Variants in SLC39A14 observed in about 807,000 individuals in gnomAD.
SLC39A14 encodes the protein solute carrier family 39 member 14.
Under a neutral mutation model 45.5 loss-of-function variants are expected in SLC39A14, and 19 were observed. The observed-to-expected ratio is 0.42, with a 90% CI of 0.29 to 0.61. The LOEUF (loss-of-function observed/expected upper bound fraction) is 0.61, where lower values mean the gene tolerates loss of function less well. Among genes scored for constraint, SLC39A14 ranks in the 20% least tolerant of loss-of-function variants. The probability of loss-of-function intolerance (pLI) is 0.22; values close to 1 mark genes in which losing one functional copy is unlikely to be tolerated. For synonymous variants in SLC39A14, 264 were observed against 251.3 expected (o/e 1.05, Z -0.48); for missense variants, 447 against 616.5 (o/e 0.73, Z 2.91).
At chr8:22,411,998 C>T (rs1388708861) in intron 3 of SLC39A14, 39 bp from the exon 4 acceptor site, 1 of 1,535,620 alleles carries the variant, frequency 6.5e-7, no homozygotes, top group African/African-American at 1.4e-5. Context: ...GCCTTCTCTC[C>T]CTGCCCTGGG....
At chr8:22,401,104 T>G (rs978634556) in intron 1 of SLC39A14, among the ~76,000 whole-genome samples, 4 of 152,202 alleles carry the variant, frequency 2.6e-5, no homozygotes, top group African/African-American at 9.7e-5. Context: ...GTGCAGAAAT[T>G]CAAGGTAGGT....
downstream of SLC39A14, among the ~76,000 whole-genome samples, chr8:22,425,582 T>C (rs1836370373): frequency 3.3e-5 from 5 of 151,990 alleles, no homozygotes; most frequent in South Asian, 1.0e-3. Flanking sequence ...TTGGGAGCGA[T>C]CCACAGGTCC....
chr8:22,422,826 T>TTTG (rs35699410), downstream of SLC39A14: 152,604 of 439,996 alleles, frequency 0.35, 33,898 homozygotes, highest in African/African-American at 0.69. Flanking sequence ...GAAGGTTTTT[T>TTTG]TTGTTGTTGT....
chr8:22,415,832 G>T lies in SLC39A14; in HGVS notation c.814G>T (p.Gly272Trp). 6.2e-7 allele frequency: 1 copy of T among 1,613,762 alleles called. No homozygotes were observed. The highest frequency in any genetic ancestry group is 1.1e-5 in the South Asian group (1 of 91,018). ...TCCCTCCAAGAAGGACCAGGAGGAG[G>T]GGGTGATGGAGAAGCTGCAGAACGG... is the stretch of plus-strand genomic sequence containing the variant. ...SLPSKKDQEE[G>W]VMEKLQNGDL... Residue 272 changes from glycine to tryptophan, a missense_variant, in exon 6 of 9, where the codon GGG becomes TGG. Physicochemically the swap from Gly to Trp is radical, Grantham distance 184 (BLOSUM62 -2). This residue lies in a region of SLC39A14 where 342 missense variants were observed against 428.1 expected (regional missense o/e 0.80). Transcript: ENST00000381237.
At chr8:22,430,916 G>A (rs568910852) in intron 8 of SLC39A14, among the ~76,000 whole-genome samples, 10 of 151,714 alleles carry the variant, frequency 6.6e-5, no homozygotes, top group African/African-American at 1.5e-4. Flanking sequence ...CAAGTAATCC[G>A]CCCATCTCGG....
At chr8:22,389,965 T>G (rs1833978553) in intron 1 of SLC39A14, 1 of 156,024 alleles carries the variant, frequency 6.4e-6, no homozygotes, top group Non-Finnish European at 1.4e-5. Context: ...GCCCTTCAGT[T>G]GAACCTAGGT....
At chr8:22,388,258 C>T (rs1199296978) in intron 1 of SLC39A14, among the ~76,000 whole-genome samples, 2 of 152,164 alleles carry the variant, frequency 1.3e-5, no homozygotes, top group Non-Finnish European at 2.9e-5. Flanking sequence ...TCCTGCAGTA[C>T]ACCCTGTTTT....
chr8:22,418,094 G>A (rs1352421850), intron 8 of SLC39A14, among the ~76,000 whole-genome samples: 2 of 152,034 alleles, frequency 1.3e-5, no homozygotes, highest in African/African-American at 4.8e-5. Flanking sequence ...GTAGAGATGG[G>A]GTTTCCCCAT....
chr8:22,405,196 A>G (rs146424595), intron 2 of SLC39A14, among the ~76,000 whole-genome samples: 2 of 152,300 alleles, frequency 1.3e-5, no homozygotes, highest in African/African-American at 4.8e-5. Context: ...CCCCCTGCAT[A>G]GGTGTTCTGA....
intron 3 of SLC39A14, 39 bp from the exon 4 acceptor site, chr8:22,411,998 C>G: frequency 6.5e-7 from 1 of 1,535,738 alleles, no homozygotes; most frequent in Non-Finnish European, 8.8e-7. Flanking sequence ...GCCTTCTCTC[C>G]CTGCCCTGGG....
intron 8 of SLC39A14, among the ~76,000 whole-genome samples, chr8:22,431,528 TCATAA>T (rs1836467140): frequency 3.3e-5 from 5 of 152,218 alleles, no homozygotes; most frequent in Admixed American, 3.3e-4. Flanking sequence ...TTAAAAGTGT[TCATAA>T]TTATGTCTCA....
intron 1 of SLC39A14, among the ~76,000 whole-genome samples, chr8:22,392,095 A>C (rs571777549): frequency 4.6e-4 from 70 of 152,318 alleles, no homozygotes; most frequent in Non-Finnish European, 7.8e-4. Context: ...CCTGGGAAAC[A>C]AGGTAATGAG....
chr8:22,374,222 C>G (rs1313786078), intron 1 of SLC39A14, among the ~76,000 whole-genome samples: 1 of 152,160 alleles, frequency 6.6e-6, no homozygotes, highest in East Asian at 1.9e-4. Context: ...GGCGAGGGGC[C>G]TGTTGGCTGC....
At position 22,432,613 on chromosome 8, in the gene SLC39A14, G is replaced by A. The variant is rs142906893; in HGVS notation, c.1333-1278G>A. ...CCTACCTCGGCCTCCCGAGTAGCTG[G>A]GACCACAGGTGTTCACCACCGTGCC... On this transcript the variant is annotated intron_variant, in intron 8 of 8. Coordinates refer to the SLC39A14 transcript ENST00000240095. 8.4e-3 allele frequency among the ~76,000 whole-genome samples: 1,272 copies of A among 151,320 alleles called. 14 individuals carry two copies. Among genetic ancestry groups the A allele is most frequent in the Non-Finnish European group, 0.012 (838 of 67,872 alleles).
chr8:22,419,036 A>T (rs1836061555), intron 8 of SLC39A14, among the ~76,000 whole-genome samples: 1 of 151,832 alleles, frequency 6.6e-6, no homozygotes, highest in Non-Finnish European at 1.5e-5. Context: ...GGAAAAAAAA[A>T]AGTCTATAAT....
At chr8:22,390,901 G>A (rs116101542) in intron 1 of SLC39A14, among the ~76,000 whole-genome samples, 19 of 152,126 alleles carry the variant, frequency 1.2e-4, no homozygotes, top group South Asian at 2.1e-4. Context: ...ACAGTCCCGC[G>A]GGGAGAGCCT....
intron 1 of SLC39A14, among the ~76,000 whole-genome samples, chr8:22,394,214 C>T (rs1834242952): frequency 6.6e-6 from 1 of 151,324 alleles, no homozygotes; most frequent in Admixed American, 6.6e-5. Flanking sequence ...ACCATGTTGG[C>T]CAGGATTATC....
At chr8:22,419,486 G>A in intron 8 of SLC39A14, 66 bp from the exon 9 acceptor site, 1 of 1,484,270 alleles carries the variant, frequency 6.7e-7, no homozygotes, top group Non-Finnish European at 9.2e-7. Flanking sequence ...CTCCATCACT[G>A]AATTGCCCTG....
downstream of SLC39A14, among the ~76,000 whole-genome samples, chr8:22,426,413 G>A (rs1406288391): frequency 1.3e-5 from 2 of 152,022 alleles, no homozygotes; most frequent in African/African-American, 2.4e-5. Flanking sequence ...GGCTGGTCTC[G>A]AACTCCAGGG....
Sources: gnomAD v4.1 joint callset for allele counts (sites outside exome capture counted in the v4.1 genomes callset) on GRCh38, gnomAD v4.1.1 for gene constraint, gnomAD v4.1.1 regional missense constraint, MANE v1.5 for transcripts, NCBI Gene and HGNC (gene_info 2026-07-23, HGNC 2026-07-21) for gene names.